LPA: variants seen among roughly 807,000 people sequenced by gnomAD.
The protein encoded by LPA is apolipoprotein(a).
A neutral mutation model predicts 197.9 loss-of-function variants in LPA; 199 were observed. That is an observed-to-expected ratio of 1.01 (90% CI 0.90 to 1.13). LPA has a LOEUF of 1.13. Among genes scored for constraint, LPA ranks in the 50% most tolerant of loss-of-function variants. The pLI is 0.00. For missense variants in LPA, 1,853 were observed against 1,785.8 expected, an observed-to-expected ratio of 1.04 and a Z score of -0.68; for synonymous variants, 715 against 639.5, an observed-to-expected ratio of 1.12 and a Z score of -1.78.
chr6:160,599,550 T>C lies in LPA; in HGVS notation c.3237A>G (p.Ser1079=). Residue 1079 remains serine, a synonymous_variant, in exon 20 of 39, where the codon TCA becomes TCG. Coordinates refer to ENST00000316300, the MANE Select transcript of LPA (RefSeq NM_005577.4). ...TVTGRTCQAW[S]SMTPHQHSRT... is the part of the protein sequence containing the mutation. ...GACTATGCTGGTGTGGTGTCATAGA[T>C]GACCAAGCTTGGCAAGTTCTTCCTG... 1 of 1,614,118 alleles carries C rather than the reference T, an allele frequency of 6.2e-7. No homozygotes were observed. Among genetic ancestry groups the C allele is most frequent in the Non-Finnish European group, 8.5e-7 (1 of 1,179,980 alleles).
At position 160,604,966 on chromosome 6, in the gene LPA, C is replaced by T. The variant is rs1779315256; in HGVS notation, c.2945+80G>A. The T allele has an allele frequency of 4.4e-6, 7 of 1,591,962 alleles. No homozygotes were observed. In the Admixed American group the frequency reaches 8.3e-5, roughly 19 times the overall value. ...CATCTGAGACAACTTGAGTCCTGAA[C>T]ACTCAGCTTGAAGCATGACTCTACT... On this transcript the variant is annotated intron_variant, in intron 18 of 38. Coordinates refer to ENST00000316300, the MANE Select transcript of LPA (RefSeq NM_005577.4).
intron 1 of LPA, among the ~76,000 whole-genome samples, chr6:160,658,586 A>T (rs1443751836): frequency 1.3e-5 from 2 of 152,228 alleles, no homozygotes; most frequent in Non-Finnish European, 2.9e-5. Context: ...TATTATGTAT[A>T]GAGTCACTAA....
chr6:160,581,304 T>G (rs1778790624), intron 26 of LPA, among the ~76,000 whole-genome samples: 1 of 152,090 alleles, frequency 6.6e-6, no homozygotes, highest in Non-Finnish European at 1.5e-5. Context: ...TTTTGTTTGT[T>G]TGTTTGAGAG....
chr6:160,650,133 A>AT lies in LPA; in HGVS notation c.209+204dup, dbSNP rs367831691. Reference sequence around the variant, plus strand: ...CTCACCACCGCCAGATATTCTCCTGATTTTATCAAACTCTCAGGAAAGAGA... The same window carrying AT: ...CTCACCACCGCCAGATATTCTCCTGATTTTTATCAAACTCTCAGGAAAGAGA... On this transcript the variant is annotated intron_variant, in intron 2 of 38. Transcript: ENST00000316300. Among the ~76,000 whole-genome samples, 24 of 152,260 alleles carry AT rather than the reference A, an allele frequency of 1.6e-4. 1 individual carries two copies. The highest frequency in any genetic ancestry group is 5.5e-4 in the African/African-American group (23 of 41,554).
chr6:160,580,255 A>T (rs1451203150), intron 26 of LPA, among the ~76,000 whole-genome samples: 2 of 152,164 alleles, frequency 1.3e-5, no homozygotes, highest in Admixed American at 6.6e-5. Context: ...AATATACTGG[A>T]AATTCTTTTT....
At chr6:160,586,684 A>G in intron 24 of LPA, 54 bp from the exon 25 acceptor site, 1 of 1,611,146 alleles carries the variant, frequency 6.2e-7, no homozygotes, top group Non-Finnish European at 8.5e-7. Context: ...ATACAGCACC[A>G]CCTGGCACCC....
intron 15 of LPA, 54 bp from the exon 16 acceptor site, chr6:160,611,775 G>A: frequency 1.6e-6 from 2 of 1,265,536 alleles, no homozygotes; most frequent in Non-Finnish European, 2.2e-6. Context: ...AACGAAATAT[G>A]TGAAGCCATT....
intron 20 of LPA, among the ~76,000 whole-genome samples, chr6:160,597,640 C>G (rs1779159397): frequency 6.6e-6 from 1 of 152,156 alleles, no homozygotes. Flanking sequence ...TGATTTGACT[C>G]TTTTATCCTT....
intron 30 of LPA, among the ~76,000 whole-genome samples, chr6:160,551,913 C>CTTTTTTTT (rs569721968): frequency 7.7e-6 from 1 of 129,334 alleles, no homozygotes; most frequent in African/African-American, 2.8e-5. Context: ...AACACATATC[C>CTTTTTTTT]TTTTTTTTTT....
At position 160,650,538 on chromosome 6, in the gene LPA, G is replaced by A. The variant is rs746217041; in HGVS notation, c.50-41C>T. 12 of 1,601,502 alleles carry A rather than the reference G, an allele frequency of 7.5e-6. No homozygotes were observed. The African/African-American group carries it at 9.4e-5, about 13-fold the overall frequency. On this transcript the variant is annotated intron_variant, in intron 1 of 38. Coordinates refer to ENST00000316300, the MANE Select transcript of LPA (RefSeq NM_005577.4). ...AAGAAATCAAGCTGAATAGTTCTTAGAACAGAAAAAAATGTGAAGTCATTT... is the reference window on the plus strand; with the variant it reads ...AAGAAATCAAGCTGAATAGTTCTTAAAACAGAAAAAAATGTGAAGTCATTT...
chr6:160,554,573 G>C (rs1347957998), intron 30 of LPA, among the ~76,000 whole-genome samples: 1 of 152,112 alleles, frequency 6.6e-6, no homozygotes, highest in African/African-American at 2.4e-5. Flanking sequence ...TGCCCGAGAT[G>C]TTCAATGAGG....
intron 1 of LPA, among the ~76,000 whole-genome samples, chr6:160,651,197 AC>A (rs2115099820): frequency 6.6e-6 from 1 of 152,324 alleles, no homozygotes; most frequent in East Asian, 1.9e-4. Context: ...GCAGAACCTG[AC>A]TAAGACTGAA....
Position 160,585,150 on chromosome 6 carries a change from A to G in LPA, c.4185T>C (p.Ser1395=), listed in dbSNP as rs373912339. 6 of 1,613,390 alleles carry G rather than the reference A, an allele frequency of 3.7e-6. No homozygotes were observed. The African/African-American group carries it at 6.7e-5, about 18-fold the overall frequency. ...VQDCYRGDGQ[S]YRGTLSTTIT... Reference sequence around the variant, plus strand: ...TAGTGGTGGAGAGTGTGCCTCGATAACTCTGTCCATCACCTCGGTAGCAGT... The same window carrying G: ...TAGTGGTGGAGAGTGTGCCTCGATAGCTCTGTCCATCACCTCGGTAGCAGT... Residue 1395 remains serine, a synonymous_variant, in exon 26 of 39, where the codon AGT becomes AGC. Coordinates refer to ENST00000316300, the MANE Select transcript of LPA (RefSeq NM_005577.4).
intron 1 of LPA, among the ~76,000 whole-genome samples, chr6:160,660,629 G>A (rs1439547125): frequency 1.3e-5 from 2 of 152,174 alleles, no homozygotes; most frequent in Non-Finnish European, 2.9e-5. Flanking sequence ...TGCATTGGTT[G>A]TAACACTGTC....
At chr6:160,576,365 T>TATAC (rs1778665341) in intron 28 of LPA, among the ~76,000 whole-genome samples, 1 of 34,716 alleles carries the variant, frequency 2.9e-5, no homozygotes, top group Non-Finnish European at 4.9e-5. Flanking sequence ...TATATATATA[T>TATAC]ACATATATAT....
intron 16 of LPA, among the ~76,000 whole-genome samples, chr6:160,610,271 C>G (rs1398067273): frequency 4.6e-5 from 7 of 152,176 alleles, no homozygotes; most frequent in Non-Finnish European, 1.5e-5. Context: ...GAGATTTCCT[C>G]TCACAGGCAC....
At chr6:160,634,750 C>T (rs1027220264) in intron 7 of LPA, among the ~76,000 whole-genome samples, 3 of 151,868 alleles carry the variant, frequency 2.0e-5, no homozygotes, top group Non-Finnish European at 1.5e-5. Context: ...CTGAAGATTG[C>T]ACTGACTGCT....
intron 17 of LPA, among the ~76,000 whole-genome samples, chr6:160,606,080 T>A (rs1234241642): frequency 3.3e-5 from 5 of 152,162 alleles, no homozygotes; most frequent in African/African-American, 1.2e-4. Context: ...CACATTTCTC[T>A]GAATCTGCAA....
At chr6:160,656,799 G>A (rs1780140628) in intron 1 of LPA, among the ~76,000 whole-genome samples, 1 of 152,124 alleles carries the variant, frequency 6.6e-6, no homozygotes, top group Admixed American at 6.5e-5. Flanking sequence ...TTGATTGAGG[G>A]CCCATGATTC....
Sources: gnomAD v4.1 joint callset for allele counts (sites outside exome capture counted in the v4.1 genomes callset) on GRCh38, gnomAD v4.1.1 for gene constraint, MANE v1.5 for transcripts, NCBI Gene and HGNC (gene_info 2026-07-23, HGNC 2026-07-21) for gene names.